Variants in ST8SIA6 observed in about 807,000 individuals in gnomAD.
ST8SIA6 encodes the protein alpha-2,8-sialyltransferase 8F.
In ST8SIA6, 39 loss-of-function variants were observed where a neutral mutation model predicts 33.6. The observed-to-expected ratio is 1.16, with a 90% confidence interval of 0.90 to 1.52. ST8SIA6 has a LOEUF of 1.52. ST8SIA6 is among the 40% of genes most tolerant of loss of function. ST8SIA6 has a pLI of 0.00. For synonymous variants in ST8SIA6, 172 were observed against 167.2 expected (o/e 1.03, Z -0.22); for missense variants, 441 against 443.8 (o/e 0.99, Z 0.06).
chr10:17,454,046 C>G lies in ST8SIA6; in HGVS notation c.101+109G>C, dbSNP rs988705581. The stretch of plus-strand genomic sequence containing the variant: ...TCGCCGCCCGTGGGCTGCTCCCCGC[C>G]GCGGCCAAAAGTCTCCGCGCCCGAG... On this transcript the variant is annotated intron_variant, in intron 1 of 7. Coordinates refer to ENST00000377602, the MANE Select transcript of ST8SIA6 (RefSeq NM_001004470.3). The surrounding 1 kb of genome is among the most constrained non-coding windows in gnomAD (Gnocchi z 4.1). The G allele has an allele frequency of 2.1e-5, 5 of 243,366 alleles. No individual in the cohort carries two copies. In the East Asian group the frequency reaches 3.5e-4, roughly 17 times the overall value. 15.1% of individuals were successfully genotyped at this position (243,366 alleles called of 1,614,324 possible). A position where few individuals can be genotyped will look rare whatever the true frequency, so the allele number is the denominator to read the frequency against.
chr10:17,349,041 CCA>C (rs1320078805), intron 4 of ST8SIA6, among the ~76,000 whole-genome samples: 3 of 152,144 alleles, frequency 2.0e-5, no homozygotes, highest in Admixed American at 6.6e-5. Context: ...GAGGGACAAG[CCA>C]CAGACAGTTC....
At chr10:17,437,658 C>T (rs12263277) in intron 2 of ST8SIA6, among the ~76,000 whole-genome samples, 3,374 of 106,876 alleles carry the variant, frequency 0.032, 123 homozygotes, top group African/African-American at 0.11. Flanking sequence ...TCCTTCCTTC[C>T]TTCCTTCTGT....
chr10:17,340,339 G>A (rs1688888512), intron 4 of ST8SIA6, among the ~76,000 whole-genome samples: 1 of 151,534 alleles, frequency 6.6e-6, no homozygotes, highest in African/African-American at 2.4e-5. Flanking sequence ...TCCATCCTGA[G>A]TCACCCCTGG....
intron 3 of ST8SIA6, among the ~76,000 whole-genome samples, chr10:17,368,603 C>T (rs1849637698): frequency 6.6e-6 from 1 of 151,834 alleles, no homozygotes; most frequent in Non-Finnish European, 1.5e-5. Context: ...AATAGTGTTG[C>T]AGTTTGTGTA....
chr10:17,442,704 T>C (rs766652870), intron 2 of ST8SIA6, among the ~76,000 whole-genome samples: 8 of 152,224 alleles, frequency 5.3e-5, no homozygotes, highest in Admixed American at 2.0e-4. Context: ...TAATATACAG[T>C]CTGCCTTTAA....
intron 3 of ST8SIA6, among the ~76,000 whole-genome samples, chr10:17,387,972 T>C (rs989054456): frequency 6.6e-6 from 1 of 152,240 alleles, no homozygotes; most frequent in Non-Finnish European, 1.5e-5. Context: ...TGTGTCGACC[T>C]GACTGGGCTC....
intron 4 of ST8SIA6, among the ~76,000 whole-genome samples, chr10:17,344,262 AT>A (rs1181691316): frequency 6.6e-6 from 1 of 152,242 alleles, no homozygotes; most frequent in Non-Finnish European, 1.5e-5. Context: ...TATTAGTAAG[AT>A]TTCACGCTGC....
chr10:17,425,423 G>A (rs1005772781), intron 2 of ST8SIA6, among the ~76,000 whole-genome samples: 7 of 152,020 alleles, frequency 4.6e-5, no homozygotes, highest in African/African-American at 1.7e-4. Context: ...ATAAAAATTA[G>A]CTAGGCATGG....
chr10:17,333,717 A>ATATTTTTTTTTT (rs1251981910), intron 4 of ST8SIA6, among the ~76,000 whole-genome samples: 1 of 33,754 alleles, frequency 3.0e-5, no homozygotes, highest in African/African-American at 1.7e-4. Context: ...ATATATATAT[A>ATATTTTTTTTTT]TTTTTTTTTT....
chr10:17,359,096 A>C (rs1849299293), intron 4 of ST8SIA6, among the ~76,000 whole-genome samples: 1 of 152,224 alleles, frequency 6.6e-6, no homozygotes, highest in Non-Finnish European at 1.5e-5. Context: ...TGTGTTAAAA[A>C]GTGAATGAGG....
At chr10:17,452,084 C>G (rs11254605) in intron 2 of ST8SIA6, among the ~76,000 whole-genome samples, 3 of 152,134 alleles carry the variant, frequency 2.0e-5, no homozygotes, top group Non-Finnish European at 4.4e-5. Flanking sequence ...CCACAGGACT[C>G]GGGAAAAGAT....
chr10:17,406,051 T>A (rs1035593438), intron 2 of ST8SIA6, among the ~76,000 whole-genome samples: 2 of 152,200 alleles, frequency 1.3e-5, no homozygotes, highest in Non-Finnish European at 2.9e-5. Context: ...CCCTGCTTAA[T>A]AATCAGTATT....
intron 2 of ST8SIA6, among the ~76,000 whole-genome samples, chr10:17,417,460 C>T (rs1039855188): frequency 2.6e-5 from 4 of 152,144 alleles, no homozygotes; most frequent in Non-Finnish European, 5.9e-5. Flanking sequence ...ACTCGAATGT[C>T]AACCCCTCAG....
intron 3 of ST8SIA6, among the ~76,000 whole-genome samples, chr10:17,388,471 T>C (rs1850462911): frequency 6.6e-6 from 1 of 152,172 alleles, no homozygotes; most frequent in Non-Finnish European, 1.5e-5. Context: ...GAGGCAGCTG[T>C]ATAAACACTA....
At chr10:17,402,026 C>CCA (rs1158485373) in intron 2 of ST8SIA6, among the ~76,000 whole-genome samples, 1 of 152,146 alleles carries the variant, frequency 6.6e-6, no homozygotes, top group East Asian at 1.9e-4. Flanking sequence ...TTTTTGCAAT[C>CCA]TACTCATCTG....
intron 3 of ST8SIA6, among the ~76,000 whole-genome samples, chr10:17,386,149 CCA>C (rs1238440224): frequency 6.6e-6 from 1 of 151,202 alleles, no homozygotes; most frequent in Non-Finnish European, 1.5e-5. Flanking sequence ...CCACTGCACT[CCA>C]GTCTCGGCGA....
chr10:17,374,834 A>G (rs1327339389), intron 3 of ST8SIA6, among the ~76,000 whole-genome samples: 1 of 151,152 alleles, frequency 6.6e-6, no homozygotes, highest in Non-Finnish European at 1.5e-5. Flanking sequence ...TTTGATTACC[A>G]AGAAGAATTT....
Position 17,453,596 on chromosome 10 carries a change from G to T in ST8SIA6, c.163C>A (p.Arg55=), listed in dbSNP as rs748747905. ...HGTPAALRTL[R]SPATAVPRAT... ...CGCGGTACCGCGGTCGCCGGGCTCCGGAGCGTCCTCAGCGCTGCGGGGGTG... is the reference window on the plus strand; with the variant it reads ...CGCGGTACCGCGGTCGCCGGGCTCCTGAGCGTCCTCAGCGCTGCGGGGGTG... Residue 55 remains arginine (R), a synonymous_variant, in exon 2 of 8, where the codon CGG becomes AGG. Transcript: ENST00000377602. 1.7e-5 allele frequency: 23 copies of T among 1,331,644 alleles called. No homozygotes were observed. Among genetic ancestry groups the T allele is most frequent in the East Asian group, 2.8e-5 (1 of 35,592 alleles). 82.5% of individuals were successfully genotyped at this position (1,331,644 alleles called of 1,614,324 possible). A position where few individuals can be genotyped will look rare whatever the true frequency, so the allele number is the denominator to read the frequency against.
intron 2 of ST8SIA6, among the ~76,000 whole-genome samples, chr10:17,435,551 C>G (rs1422801416): frequency 6.6e-6 from 1 of 152,152 alleles, no homozygotes; most frequent in African/African-American, 2.4e-5. Flanking sequence ...CTGCTGAAAC[C>G]TGGCACTTAG....
Sources: gnomAD v4.1 joint callset for allele counts (sites outside exome capture counted in the v4.1 genomes callset) on GRCh38, gnomAD v4.1.1 for gene constraint, Gnocchi (gnomAD v3.1) non-coding constraint, MANE v1.5 for transcripts, NCBI Gene and HGNC (gene_info 2026-07-23, HGNC 2026-07-21) for gene names.